The following CFHR2 variants were observed in gnomAD, a reference collection of about 807,000 sequenced individuals.
CFHR2 encodes complement factor H related 2.
CFHR2 carries 22 observed loss-of-function variants against 21.7 expected under a neutral mutation model. The observed-to-expected ratio is 1.01, with a 90% CI of 0.72 to 1.45. CFHR2 has a LOEUF of 1.45. CFHR2 is among the 40% of genes most tolerant of loss of function. CFHR2 has a pLI of 0.00. For synonymous variants in CFHR2, 98 were observed against 97.4 expected, an observed-to-expected ratio of 1.01 and a Z score of -0.04; for missense variants, 294 against 293.3, an observed-to-expected ratio of 1.00 and a Z score of -0.02.
chr1:196,954,025 G>A (rs952073069), intron 3 of CFHR2, among the ~76,000 whole-genome samples: 2 of 152,166 alleles, frequency 1.3e-5, no homozygotes, highest in African/African-American at 4.8e-5. Flanking sequence ...TAATGAGTTA[G>A]TTTTTATAAA....
Position 196,959,324 on chromosome 1 carries a change from CTG to C in CFHR2, c.*246_*247del, listed in dbSNP as rs1571500001. ...TTCTTTTTAAAAAAATTGACAATAA[CTG>C]TATATATTCATGGAGTACATAGTAA... On this transcript the variant is annotated 3_prime_UTR_variant, in exon 5 of 5. Coordinates refer to ENST00000367415, the MANE Select transcript of CFHR2 (RefSeq NM_005666.4). 2 of 396,536 alleles carry C rather than the reference CTG, an allele frequency of 5.0e-6. No homozygotes were observed. The highest frequency in any genetic ancestry group is 9.7e-5 in the East Asian group (2 of 20,608). 24.6% of individuals were successfully genotyped at this position (396,536 alleles called of 1,614,324 possible).
intron 1 of CFHR2, among the ~76,000 whole-genome samples, chr1:196,945,536 C>T (rs1199859574): frequency 5.8e-4 from 56 of 97,050 alleles, no homozygotes; most frequent in Non-Finnish European, 6.8e-4. Context: ...TAGGTGTCTA[C>T]TGAGAGACCT....
At chr1:196,948,263 ATTTAT>A (rs1046446263) in intron 1 of CFHR2, among the ~76,000 whole-genome samples, 4 of 151,116 alleles carry the variant, frequency 2.6e-5, no homozygotes, top group African/African-American at 9.7e-5. Flanking sequence ...CTCCCAAACA[ATTTAT>A]TTTATTTTAT....
intron 3 of CFHR2, among the ~76,000 whole-genome samples, chr1:196,954,137 G>A (rs1213921714): frequency 1.3e-5 from 2 of 152,174 alleles, no homozygotes; most frequent in Non-Finnish European, 2.9e-5. Context: ...TGGTAAAATT[G>A]GGAATAATTT....
At chr1:196,947,426 A>G (rs1462094783) in intron 1 of CFHR2, among the ~76,000 whole-genome samples, 6 of 152,316 alleles carry the variant, frequency 3.9e-5, no homozygotes, top group Non-Finnish European at 8.8e-5. Flanking sequence ...ATAAACTACT[A>G]TAATTTTGGA....
intron 3 of CFHR2, among the ~76,000 whole-genome samples, chr1:196,953,779 C>T (rs1302154675): frequency 1.3e-5 from 2 of 152,136 alleles, no homozygotes; most frequent in East Asian, 3.8e-4. Flanking sequence ...GTGCCTATAA[C>T]AGTACATAAA....
At chr1:196,955,375 C>T (rs141911088) in intron 3 of CFHR2, among the ~76,000 whole-genome samples, 12 of 152,260 alleles carry the variant, frequency 7.9e-5, no homozygotes, top group African/African-American at 2.6e-4. Context: ...CAAACTTTCC[C>T]TCATCTTCCT....
At chr1:196,946,694 T>C (rs1031771618) in intron 1 of CFHR2, among the ~76,000 whole-genome samples, 8 of 152,232 alleles carry the variant, frequency 5.3e-5, no homozygotes, top group Non-Finnish European at 1.2e-4. Flanking sequence ...GTAACAGGCA[T>C]GGAGCTGTCC....
chr1:196,957,393 A>G (rs1201246035), intron 3 of CFHR2, among the ~76,000 whole-genome samples: 1 of 147,552 alleles, frequency 6.8e-6, no homozygotes, highest in Non-Finnish European at 1.5e-5. Flanking sequence ...TGTACTTAGC[A>G]TAAGGAAAAG....
intron 3 of CFHR2, among the ~76,000 whole-genome samples, chr1:196,952,079 T>A (rs927548741): frequency 6.6e-6 from 1 of 152,188 alleles, no homozygotes; most frequent in Non-Finnish European, 1.5e-5. Context: ...AAAGATGTTA[T>A]GTTATCAAAT....
At chr1:196,952,157 T>C (rs936521039) in intron 3 of CFHR2, among the ~76,000 whole-genome samples, 2 of 152,136 alleles carry the variant, frequency 1.3e-5, no homozygotes, top group Non-Finnish European at 2.9e-5. Flanking sequence ...GTGCCTCTAG[T>C]CTCAGCCACT....
At chr1:196,950,440 T>C (rs1429194184) in intron 2 of CFHR2, among the ~76,000 whole-genome samples, 1 of 152,080 alleles carries the variant, frequency 6.6e-6, no homozygotes, top group Non-Finnish European at 1.5e-5. Flanking sequence ...CTTTGAAAGC[T>C]TTCCTTTTTG....
At chr1:196,949,106 C>T (rs185345247) in intron 1 of CFHR2, among the ~76,000 whole-genome samples, 313 of 152,278 alleles carry the variant, frequency 2.1e-3, no homozygotes, top group African/African-American at 7.2e-3. Flanking sequence ...CCTGTCACTC[C>T]TCTACTGTAT....
chr1:196,955,123 T>C (rs1652815124), intron 3 of CFHR2, among the ~76,000 whole-genome samples: 1 of 152,234 alleles, frequency 6.6e-6, no homozygotes, highest in African/African-American at 2.4e-5. Flanking sequence ...AACATTTTGC[T>C]GCTTAGAAAT....
rs773677303 is a variant in CFHR2 at position 196,949,599 on chromosome 1, C to T, written c.203C>T (p.Thr68Ile). The T allele has an allele frequency of 6.2e-7, 1 of 1,613,984 alleles. No homozygotes were observed. Among genetic ancestry groups the T allele is most frequent in the Non-Finnish European group, 8.5e-7 (1 of 1,179,936 alleles). ...GTGTCTCCTTCAAAATCCTTTTGGA[C>T]TCGCATAACGTGCGCAGAAGAAGGA... The part of the protein sequence containing the change: ...NFVSPSKSFW[T>I]RITCAEEGWS... The change falls in exon 2 of 5, where the codon ACT becomes ATT. Residue 68 changes from threonine to isoleucine, a missense_variant. Coordinates refer to ENST00000367415, the MANE Select transcript of CFHR2 (RefSeq NM_005666.4).
intron 2 of CFHR2, among the ~76,000 whole-genome samples, 173 bp downstream of exon 2, chr1:196,949,822 A>G (rs1659659288): frequency 6.6e-6 from 1 of 152,244 alleles, no homozygotes; most frequent in East Asian, 1.9e-4. Flanking sequence ...AATGAAGAAT[A>G]AATATGTCAA....
At chr1:196,957,768 A>G (rs1409369845) in intron 3 of CFHR2, 123 bp from the exon 4 acceptor site, 6 of 827,858 alleles carry the variant, frequency 7.2e-6, no homozygotes, top group Non-Finnish European at 1.1e-5. Context: ...TACTCCGGGA[A>G]TCATTTCATT....
chr1:196,951,536 G>A (rs1196326207), intron 3 of CFHR2, among the ~76,000 whole-genome samples: 1 of 152,026 alleles, frequency 6.6e-6, no homozygotes, highest in Non-Finnish European at 1.5e-5. Context: ...CGATTCTTTT[G>A]GAAACCTGTG....
At position 196,958,887 on chromosome 1, in the gene CFHR2, G is replaced by A. The variant is rs1229219918; in HGVS notation, c.620G>A (p.Cys207Tyr). Residue 207 changes from cysteine (C) to tyrosine (Y), a missense_variant, in exon 5 of 5, where the codon TGT becomes TAT. Transcript: ENST00000367415. ...WSEPPKCLDP[C>Y]VISQEIMEKY... ...CATTTTTTTCTACTTTCAGATCCAT[G>A]TGTAATATCACAAGAAATTATGGAA... 1 of 1,565,260 alleles carries A rather than the reference G, an allele frequency of 6.4e-7. No individual in the cohort carries two copies. Among genetic ancestry groups the A allele is most frequent in the Admixed American group, 1.7e-5 (1 of 59,130 alleles).
Sources: allele counts gnomAD v4.1 joint callset (sites outside exome capture counted in the v4.1 genomes callset), GRCh38; gene constraint gnomAD v4.1.1; transcripts MANE v1.5; gene names NCBI Gene and HGNC (gene_info 2026-07-23, HGNC 2026-07-21).